Variants in COL22A1 observed in about 807,000 individuals in gnomAD.
The protein encoded by COL22A1 is collagen alpha-1(XXII) chain.
COL22A1 carries 221 observed loss-of-function variants against 248.9 expected under a neutral mutation model. The observed-to-expected ratio is 0.89, with a 90% CI of 0.80 to 0.99. COL22A1 has a LOEUF of 0.99. Ranked by LOEUF, COL22A1 falls within the 50% of genes least tolerant of loss-of-function variation. COL22A1 has a pLI of 0.00. For synonymous variants in COL22A1, 891 were observed against 793.4 expected (o/e 1.12, Z -2.07); for missense variants, 2,240 against 2,179.0 (o/e 1.03, Z -0.56).
intron 51 of COL22A1, among the ~76,000 whole-genome samples, 162 bp downstream of exon 51, chr8:138,626,028 C>A (rs907183112): frequency 6.6e-6 from 1 of 152,212 alleles, no homozygotes; most frequent in East Asian, 1.9e-4. Flanking sequence ...TTGGCTTTGA[C>A]TGATAAACAA....
chr8:138,882,703 AAC>A lies in COL22A1; in HGVS notation c.91+377_91+378del, dbSNP rs1168875787. 8.8e-4 allele frequency among the ~76,000 whole-genome samples: 116 copies of A among 132,176 alleles called. 1 individual carries two copies. The South Asian group carries it at 0.026, about 29-fold the overall frequency. The allele number at this position is 132,176 out of a possible 152,430, so 86.7% of individuals were successfully genotyped here. On this transcript the variant is annotated intron_variant, in intron 2 of 64. Transcript: ENST00000303045. ...CCATACACTCCCACACACTTTGTCA[AAC>A]ACACACTCCCTCACACTCCCCCACT...
intron 37 of COL22A1, among the ~76,000 whole-genome samples, chr8:138,688,445 C>T (rs1177452914): frequency 2.6e-5 from 4 of 151,946 alleles, no homozygotes; most frequent in Admixed American, 6.6e-5. Flanking sequence ...TGCTTGAACC[C>T]GGGAGGCAGA....
intron 1 of COL22A1, among the ~76,000 whole-genome samples, chr8:138,909,421 T>A (rs1221185298): frequency 1.3e-5 from 2 of 151,680 alleles, no homozygotes; most frequent in Non-Finnish European, 2.9e-5. Flanking sequence ...AAGAGCAGAC[T>A]GTGCCCCTGA....
chr8:138,910,113 T>C (rs1587026112), intron 1 of COL22A1, among the ~76,000 whole-genome samples: 1 of 152,176 alleles, frequency 6.6e-6, no homozygotes, highest in East Asian at 1.9e-4. Context: ...CTTTACTAAA[T>C]AAGAAAGCTG....
Position 138,878,070 on chromosome 8 carries a change from C to G in COL22A1, c.338G>C (p.Gly113Ala). 1.3e-6 allele frequency: 2 copies of G among 1,598,026 alleles called. No individual in the cohort carries two copies. The highest frequency in any genetic ancestry group is 1.7e-6 in the Non-Finnish European group (2 of 1,173,142). Residue 113 changes from glycine (G) to alanine (A), a missense_variant, in exon 3 of 65, where the codon GGC becomes GCC. Transcript: ENST00000303045. ...AAARRLAYHG[G>A]NTNTGDALRY... ...GAGCGCGTCTCCCGTGTTGGTGTTGCCCCCGTGGTAGGCGAGACGCCGGGC... is the reference window on the plus strand; with the variant it reads ...GAGCGCGTCTCCCGTGTTGGTGTTGGCCCCGTGGTAGGCGAGACGCCGGGC...
chr8:138,707,666 C>A (rs12545753), intron 30 of COL22A1, among the ~76,000 whole-genome samples: 18 of 152,096 alleles, frequency 1.2e-4, no homozygotes, highest in Admixed American at 1.2e-3. Context: ...ATGACAAACC[C>A]ACAACCAATA....
chr8:138,616,630 A>G (rs1819342538), intron 54 of COL22A1, among the ~76,000 whole-genome samples: 2 of 152,152 alleles, frequency 1.3e-5, no homozygotes, highest in Admixed American at 6.5e-5. Flanking sequence ...ACCACCTCAC[A>G]AGGCTCAGGG....
At chr8:138,752,799 G>A (rs1455202203) in intron 21 of COL22A1, among the ~76,000 whole-genome samples, 2 of 152,210 alleles carry the variant, frequency 1.3e-5, no homozygotes, top group African/African-American at 4.8e-5. Context: ...CTCAACAGAA[G>A]TCACTGAAGC....
intron 64 of COL22A1, 148 bp downstream of exon 64, chr8:138,591,276 C>A (rs1476598730): frequency 7.0e-6 from 3 of 428,612 alleles, no homozygotes; most frequent in Non-Finnish European, 1.2e-5. Context: ...TTTAATGAAA[C>A]CAAGTGAGTG....
rs563310199 is a variant in COL22A1, at chr8:138,762,747, T to C, written c.1804-281A>G. Among the ~76,000 whole-genome samples the C allele has an allele frequency of 4.9e-4, 57 of 117,216 alleles. 2 individuals carry two copies. In the East Asian group the frequency reaches 0.017, roughly 35 times the overall value. The allele number at this position is 117,216 out of a possible 152,430, so 76.9% of individuals were successfully genotyped here. On this transcript the variant is annotated intron_variant, in intron 16 of 64. Transcript: ENST00000303045. ...CATGTGCCTTCTGTGAGCCACACAG[T>C]CTCTTCATCTCACGGTTCATGGGGG...
At chr8:138,847,665 T>C (rs950002056) in intron 3 of COL22A1, among the ~76,000 whole-genome samples, 6 of 152,158 alleles carry the variant, frequency 3.9e-5, no homozygotes, top group African/African-American at 1.2e-4. Flanking sequence ...AAGGGATAGA[T>C]AAGTGGATGG....
chr8:138,873,835 G>C (rs1823521484), intron 3 of COL22A1, among the ~76,000 whole-genome samples: 1 of 152,168 alleles, frequency 6.6e-6, no homozygotes, highest in South Asian at 2.1e-4. Context: ...GAATTGAATG[G>C]CTGTTTTAAT....
At position 138,877,933 on chromosome 8, in the gene COL22A1, G is replaced by A. The variant is rs143860235; in HGVS notation, c.475C>T (p.Leu159=). The A allele has an allele frequency of 1.2e-6, 2 of 1,605,350 alleles. No homozygotes were observed. Among genetic ancestry groups the A allele is most frequent in the Middle Eastern group, 1.7e-4 (1 of 6,040 alleles). Residue 159 remains leucine, a synonymous_variant, in exon 3 of 65, where the codon CTG becomes TTG. Coordinates refer to ENST00000303045, the MANE Select transcript of COL22A1 (RefSeq NM_152888.3). ...LTDGRSQDLV[L]DAAAAAHRAG... is the part of the protein sequence containing the mutation. Reference sequence around the variant, plus strand: ...CGGTGGGCTGCCGCCGCGGCGTCCAGCACCAGGTCCTGGCTGCGGCCGTCG... The same window carrying A: ...CGGTGGGCTGCCGCCGCGGCGTCCAACACCAGGTCCTGGCTGCGGCCGTCG...
intron 23 of COL22A1, among the ~76,000 whole-genome samples, chr8:138,729,406 G>A (rs1830549089): frequency 6.6e-6 from 1 of 152,142 alleles, no homozygotes; most frequent in Non-Finnish European, 1.5e-5. Flanking sequence ...TCCCTGGTAA[G>A]ACCACAGCAA....
chr8:138,636,289 C>T (rs77808418), intron 48 of COL22A1, among the ~76,000 whole-genome samples: 1 of 151,590 alleles, frequency 6.6e-6, no homozygotes, highest in Non-Finnish European at 1.5e-5. Flanking sequence ...AGTGGTCCAG[C>T]AGGCCTGGAT....
rs544583644 is a variant in COL22A1, at chr8:138,619,312, C to T, written c.3825+143G>A. ...TGTAGTGTGGCAAAGCTGAATTGAC[C>T]GCACAGAAGCACAGCCGTCTGGAGG... is the stretch of plus-strand genomic sequence containing the variant. On this transcript the variant is annotated intron_variant, in intron 53 of 64. Transcript: ENST00000303045. 1.1e-4 allele frequency: 77 copies of T among 670,916 alleles called. No homozygotes were observed. The South Asian group carries it at 1.2e-3, about 11-fold the overall frequency. The allele number at this position is 670,916 out of a possible 1,614,324, so 41.6% of individuals were successfully genotyped here. A position where few individuals can be genotyped will look rare whatever the true frequency, so the allele number is the denominator to read the frequency against.
chr8:138,705,981 C>T (rs1258461257), intron 30 of COL22A1, among the ~76,000 whole-genome samples: 1 of 152,136 alleles, frequency 6.6e-6, no homozygotes, highest in Non-Finnish European at 1.5e-5. Flanking sequence ...GGGTTGCAAT[C>T]CTAGTCTCTG....
chr8:138,725,307 T>A, intron 24 of COL22A1, 80 bp downstream of exon 24: 3 of 1,407,850 alleles, frequency 2.1e-6, no homozygotes, highest in Non-Finnish European at 3.0e-6. Flanking sequence ...CAAGAGGCCA[T>A]TCACAAAGAT....
chr8:138,610,802 A>T (rs1406482651), intron 56 of COL22A1, among the ~76,000 whole-genome samples: 2 of 152,132 alleles, frequency 1.3e-5, no homozygotes, highest in Non-Finnish European at 1.5e-5. Context: ...GGTGGCTTAC[A>T]CCTATAATTT....
Sources: gnomAD v4.1 joint callset for allele counts (sites outside exome capture counted in the v4.1 genomes callset) on GRCh38, gnomAD v4.1.1 for gene constraint, MANE v1.5 for transcripts, NCBI Gene and HGNC (gene_info 2026-07-23, HGNC 2026-07-21) for gene names.